KRABD5: variants seen among roughly 807,000 people sequenced by gnomAD.
The protein encoded by KRABD5 is KRAB domain-containing protein 5.
At chr16:31,753,669 G>A in the KRABD5 span, 6 of 1,165,300 alleles carry the variant, frequency 5.1e-6, no homozygotes, top group Non-Finnish European at 4.6e-6. Flanking sequence ...CAACTATCAT[G>A]GTGTTCTCAA....
the KRABD5 span, chr16:31,755,601 G>A: frequency 3.2e-5 from 15 of 473,142 alleles, no homozygotes; most frequent in South Asian, 1.7e-4. Context: ...AACCTTAGAC[G>A]ACATCAGATG....
At chr16:31,713,252 G>A in the KRABD5 span, 1 of 726,398 alleles carries the variant, frequency 1.4e-6, no homozygotes, top group Non-Finnish European at 2.3e-6. Flanking sequence ...CCGGGATTTG[G>A]CGGTGGCCTT....
At chr16:31,751,644 A>G in the KRABD5 span, among the ~76,000 whole-genome samples, 1 of 152,032 alleles carries the variant, frequency 6.6e-6, no homozygotes, top group Non-Finnish European at 1.5e-5. Flanking sequence ...GATTGTGCTT[A>G]TCTGGATCTT....
the KRABD5 span, among the ~76,000 whole-genome samples, chr16:31,723,087 T>G: frequency 6.6e-6 from 1 of 152,216 alleles, no homozygotes; most frequent in Non-Finnish European, 1.5e-5. Context: ...AGCTCAGGAT[T>G]CCTGTGTTTA....
the KRABD5 span, chr16:31,755,831 C>T: frequency 3.3e-6 from 1 of 304,284 alleles, no homozygotes; most frequent in African/African-American, 2.2e-5. Flanking sequence ...AGTATTTAAT[C>T]AGAACTCAAA....
At chr16:31,727,176 G>A in the KRABD5 span, among the ~76,000 whole-genome samples, 107 of 152,232 alleles carry the variant, frequency 7.0e-4, no homozygotes, top group Non-Finnish European at 4.6e-4. Context: ...AACTCTTTTT[G>A]TATACTCTTT....
the KRABD5 span, among the ~76,000 whole-genome samples, chr16:31,719,674 C>T: frequency 6.6e-6 from 1 of 152,202 alleles, no homozygotes; most frequent in African/African-American, 2.4e-5. Flanking sequence ...TGTTGGAGAT[C>T]AGACTTCTGA....
the KRABD5 span, among the ~76,000 whole-genome samples, chr16:31,732,159 G>C: frequency 1.3e-5 from 2 of 152,280 alleles, no homozygotes; most frequent in East Asian, 1.9e-4. Context: ...CTACCCTTCG[G>C]TTAAGGACTT....
chr16:31,713,566 T>TGAGTCC, the KRABD5 span: 1 of 1,338,808 alleles, frequency 7.5e-7, no homozygotes, highest in Non-Finnish European at 1.0e-6. Flanking sequence ...CTTGGTCCCC[T>TGAGTCC]CCGCCGCAAG....
chr16:31,728,654 A>T, the KRABD5 span, among the ~76,000 whole-genome samples: 3 of 152,172 alleles, frequency 2.0e-5, no homozygotes, highest in Non-Finnish European at 4.4e-5. Flanking sequence ...CAGAAAAAAA[A>T]ACTTGATATA....
chr16:31,748,548 A>T, the KRABD5 span, among the ~76,000 whole-genome samples: 4 of 152,114 alleles, frequency 2.6e-5, no homozygotes, highest in East Asian at 7.7e-4. Flanking sequence ...ATGTTCCTTT[A>T]GCTCAGTGTA....
At chr16:31,749,192 A>G in the KRABD5 span, among the ~76,000 whole-genome samples, 2 of 152,026 alleles carry the variant, frequency 1.3e-5, no homozygotes, top group African/African-American at 2.4e-5. Context: ...AGCTGTGCAC[A>G]GTGAGAAAGG....
the KRABD5 span, chr16:31,713,333 G>T: frequency 6.6e-7 from 1 of 1,524,484 alleles, no homozygotes; most frequent in East Asian, 2.5e-5. Context: ...GGCCAAGGCG[G>T]CTTCGCGTTC....
the KRABD5 span, among the ~76,000 whole-genome samples, chr16:31,721,916 G>T: frequency 1.3e-5 from 2 of 152,160 alleles, no homozygotes; most frequent in African/African-American, 2.4e-5. Context: ...AACCAGTTCT[G>T]CAGTTTATTG....
At chr16:31,723,245 T>TC in the KRABD5 span, 1 of 1,610,912 alleles carries the variant, frequency 6.2e-7, no homozygotes, top group East Asian at 2.2e-5. Flanking sequence ...TGTGACTTTT[T>TC]CTAATAAAAC....
At chr16:31,743,392 T>G in the KRABD5 span, among the ~76,000 whole-genome samples, 1 of 152,204 alleles carries the variant, frequency 6.6e-6, no homozygotes, top group Non-Finnish European at 1.5e-5. Context: ...CTTTCCCCAT[T>G]GCTTGTTTTT....
At chr16:31,719,831 CT>C in the KRABD5 span, among the ~76,000 whole-genome samples, 1 of 152,172 alleles carries the variant, frequency 6.6e-6, no homozygotes, top group Admixed American at 6.5e-5. Context: ...ACCTGGCAAC[CT>C]TTTTCCATTC....
chr16:31,717,981 T>G, the KRABD5 span, among the ~76,000 whole-genome samples: 2 of 152,162 alleles, frequency 1.3e-5, no homozygotes, highest in Non-Finnish European at 1.5e-5. Flanking sequence ...CAGCTCTGTC[T>G]TTCCATGCCC....
chr16:31,757,768 T>C, the KRABD5 span: 3 of 152,030 alleles, frequency 2.0e-5, no homozygotes, highest in Non-Finnish European at 4.4e-5. Flanking sequence ...GTTGGAAATA[T>C]CAGGATGAAC....
Sources: gnomAD v4.1 joint callset for allele counts (sites outside exome capture counted in the v4.1 genomes callset) on GRCh38, gnomAD v4.1.1 for gene constraint, MANE v1.5 for transcripts, NCBI Gene and HGNC (gene_info 2026-07-23, HGNC 2026-07-21) for gene names.